FMNL1: variants seen among roughly 807,000 people sequenced by gnomAD.
The protein encoded by FMNL1 is formin like 1.
Under a neutral mutation model 121.3 loss-of-function variants are expected in FMNL1, and 43 were observed. That is an observed-to-expected ratio of 0.35 (90% CI 0.28 to 0.46). The LOEUF (loss-of-function observed/expected upper bound fraction) is 0.46. Ranked by LOEUF, FMNL1 falls within the 20% of genes least tolerant of loss-of-function variation. The probability of loss-of-function intolerance (pLI) is 1.00; values close to 1 mark genes in which losing one functional copy is unlikely to be tolerated. For synonymous variants in FMNL1, 613 were observed against 613.5 expected, an observed-to-expected ratio of 1.00 and a Z score of 0.01; for missense variants, 1,191 against 1,482.4, an observed-to-expected ratio of 0.80 and a Z score of 3.23.
At chr17:45,238,914 A>T in intron 10 of FMNL1, 41 bp from the exon 11 acceptor site, 1 of 1,558,964 alleles carries the variant, frequency 6.4e-7, no homozygotes, top group Non-Finnish European at 8.8e-7. Flanking sequence ...GAGCAACCCC[A>T]CCTAGAGGAT....
intron 1 of FMNL1, among the ~76,000 whole-genome samples, chr17:45,223,921 G>A (rs542975736): frequency 2.2e-4 from 34 of 152,314 alleles, no homozygotes; most frequent in African/African-American, 8.2e-4. Context: ...TGATGTGTGT[G>A]TAGGACTTGT....
In FMNL1 at chr17:45,222,233, G is replaced by A; in HGVS notation, c.109G>A (p.Glu37Lys). The A allele has an allele frequency of 8.0e-7, 1 of 1,243,434 alleles. No homozygotes were observed. The highest frequency in any genetic ancestry group is 1.0e-6 in the Non-Finnish European group (1 of 989,124). 77.0% of individuals were successfully genotyped at this position (1,243,434 alleles called of 1,614,324 possible). Residue 37 changes from glutamate (E) to lysine (K), a missense_variant, in exon 1 of 27, where the codon GAG becomes AAG. Physicochemically the swap from Glu to Lys is moderately conservative, Grantham distance 56. Around this residue, in one of 4 missense-constraint regions of FMNL1, gnomAD observed 253 missense variants for 417.5 expected, o/e 0.61. Coordinates refer to ENST00000331495, the MANE Select transcript of FMNL1 (RefSeq NM_005892.4). ...GATGCCCGCGGCCGGAGAGCTGGAGGAGAGGTTCAACCGCGCCCTGGTGAG... is the reference window on the plus strand; with the variant it reads ...GATGCCCGCGGCCGGAGAGCTGGAGAAGAGGTTCAACCGCGCCCTGGTGAG... The part of the protein sequence containing the change: ...QPMPAAGELE[E>K]RFNRALNCMN...
At chr17:45,240,010 T>A (rs1385382222) in intron 11 of FMNL1, among the ~76,000 whole-genome samples, 1 of 152,210 alleles carries the variant, frequency 6.6e-6, no homozygotes, top group Non-Finnish European at 1.5e-5. Context: ...AGGTTGGTCT[T>A]GAACTCCTGA....
intron 15 of FMNL1, 92 bp downstream of exon 15, chr17:45,242,238 GGCCTCCTGCT>G: frequency 1.3e-6 from 2 of 1,574,040 alleles, no homozygotes; most frequent in East Asian, 2.3e-5. Context: ...TCTGCCTGGG[GGCCTCCTGCT>G]GCCTCCTGGC....
rs2043620183 is a variant in FMNL1 at position 45,239,055 on chromosome 17, T to C, written c.1070T>C (p.Leu357Pro). ...GAGTTCACCCACTTGGGCCTGGACC[T>C]GTACTTGGAGGTAAGCCCTGTACTG... Reference protein sequence around the residue: ...QYEFTHLGLDLYLERLRLTES... With the variant: ...QYEFTHLGLDPYLERLRLTES... Residue 357 changes from leucine to proline, a missense_variant, in exon 11 of 27, where the codon CTG becomes CCG. Physicochemically the swap from Leu to Pro is moderately conservative, Grantham distance 98 (BLOSUM62 -3). Transcript: ENST00000331495. The C allele has an allele frequency of 6.2e-7, 1 of 1,613,860 alleles. No individual in the cohort carries two copies. The highest frequency in any genetic ancestry group is 1.3e-5 in the African/African-American group (1 of 74,932).
Position 45,233,751 on chromosome 17 carries a change from C to T in FMNL1, c.485+20C>T. The T allele has an allele frequency of 6.2e-7, 1 of 1,613,282 alleles. No individual in the cohort carries two copies. Among genetic ancestry groups the T allele is most frequent in the South Asian group, 1.1e-5 (1 of 91,076 alleles). On this transcript the variant is annotated intron_variant, in intron 5 of 26. Coordinates refer to ENST00000331495, the MANE Select transcript of FMNL1 (RefSeq NM_005892.4). The surrounding 1 kb of genome is among the most constrained non-coding windows in gnomAD (Gnocchi z 4.1). Reference sequence around the variant, plus strand: ...TGTCACGTAAGCCCCCTGCTCCCAGCCCTCATGCCGCTCCTCAGAGCTTTG... The same window carrying T: ...TGTCACGTAAGCCCCCTGCTCCCAGTCCTCATGCCGCTCCTCAGAGCTTTG...
In FMNL1 at chr17:45,222,795, G is replaced by T. The variant is rs1369748993; in HGVS notation, c.129+542G>T. 7.9e-5 allele frequency among the ~76,000 whole-genome samples: 12 copies of T among 152,098 alleles called. No homozygotes were observed. The East Asian group carries it at 2.3e-3, about 29-fold the overall frequency. Reference sequence around the variant, plus strand: ...TACCCCGCCATATGTCAGAGCCAGGGTGCCTGTGGGTCTTTATCTTGGGGC... The same window carrying T: ...TACCCCGCCATATGTCAGAGCCAGGTTGCCTGTGGGTCTTTATCTTGGGGC... On this transcript the variant is annotated intron_variant, in intron 1 of 26. Transcript: ENST00000331495.
Position 45,245,253 on chromosome 17 carries a change from T to C in FMNL1, c.2729T>C (p.Val910Ala). 5 of 1,614,150 alleles carry C rather than the reference T, an allele frequency of 3.1e-6. No homozygotes were observed. The highest frequency in any genetic ancestry group is 3.4e-6 in the Non-Finnish European group (4 of 1,180,014). Residue 910 changes from valine to alanine, a missense_variant and splice_region_variant, in exon 22 of 27, where the codon GTG (valine) becomes GCG (alanine). Val to Ala is a moderately conservative substitution (Grantham distance 64, BLOSUM62 0). Coordinates refer to ENST00000331495, the MANE Select transcript of FMNL1 (RefSeq NM_005892.4). ...DLHFLDKAGS[V>A]SLDSVLADVR... Reference sequence around the variant, plus strand: ...TGATACTGCCCCATCCCTGGCCCAGTGTCCCTGGACAGTGTCCTGGCGGAC... The same window carrying C: ...TGATACTGCCCCATCCCTGGCCCAGCGTCCCTGGACAGTGTCCTGGCGGAC...
chr17:45,239,112 A>G, intron 11 of FMNL1, 47 bp downstream of exon 11: 1 of 1,467,950 alleles, frequency 6.8e-7, no homozygotes, highest in East Asian at 2.3e-5. Flanking sequence ...CCCACGGCAG[A>G]GTATGGCTGA....
chr17:45,240,391 G>C, intron 11 of FMNL1, 85 bp from the exon 12 acceptor site: 1 of 1,431,934 alleles, frequency 7.0e-7, no homozygotes, highest in Non-Finnish European at 9.3e-7. Context: ...CCTCTGGATG[G>C]CAGTGGTGGC....
chr17:45,236,149 C>T lies in FMNL1; in HGVS notation c.628C>T (p.His210Tyr), dbSNP rs771426176. Reference sequence around the variant, plus strand: ...CACCCCGCCCAGGCTGACCCCAGCCCACAGCAGGAAGGCCCTGCGGAATTC... The same window carrying T: ...CACCCCGCCCAGGCTGACCCCAGCCTACAGCAGGAAGGCCCTGCGGAATTC... ...RHLTIKLTPA[H>Y]SRKALRNSRI... The change falls in exon 7 of 27, where the codon CAC becomes TAC. Residue 210 changes from histidine (H) to tyrosine (Y), a missense_variant. Physicochemically the swap from His to Tyr is moderately conservative, Grantham distance 83. Transcript: ENST00000331495. The T allele has an allele frequency of 1.2e-6, 2 of 1,612,570 alleles. No homozygotes were observed. Among genetic ancestry groups the T allele is most frequent in the Non-Finnish European group, 1.7e-6 (2 of 1,179,966 alleles).
chr17:45,221,939 C>T lies in FMNL1; in HGVS notation c.-186C>T. 2.7e-6 allele frequency: 1 copy of T among 368,070 alleles called. No homozygotes were observed. The allele number at this position is 368,070 out of a possible 1,614,324, so 22.8% of individuals were successfully genotyped here. On this transcript the variant is annotated 5_prime_UTR_variant, in exon 1 of 27. Coordinates refer to ENST00000331495, the MANE Select transcript of FMNL1 (RefSeq NM_005892.4). Reference sequence around the variant, plus strand: ...GCCCGGTCCCACGGACGGGGCCGCCCCGATGGGACGCCGCGCTCCGGCCCC... The same window carrying T: ...GCCCGGTCCCACGGACGGGGCCGCCTCGATGGGACGCCGCGCTCCGGCCCC...
chr17:45,225,452 G>A (rs770105908), intron 1 of FMNL1, among the ~76,000 whole-genome samples: 1 of 152,186 alleles, frequency 6.6e-6, no homozygotes, highest in Non-Finnish European at 1.5e-5. Flanking sequence ...GAGGATCTCC[G>A]GGGGGATGTG....
chr17:45,238,479 C>A, intron 9 of FMNL1, 85 bp from the exon 10 acceptor site: 2 of 1,382,758 alleles, frequency 1.4e-6, no homozygotes, highest in South Asian at 1.2e-5. Flanking sequence ...TGGAGAGGAG[C>A]CTGTTGAAGC....
At chr17:45,224,386 G>A (rs1363704235) in intron 1 of FMNL1, among the ~76,000 whole-genome samples, 1 of 152,128 alleles carries the variant, frequency 6.6e-6, no homozygotes, top group Admixed American at 6.5e-5. Context: ...ACCCCCACCC[G>A]AACCACCATG....
Position 45,221,897 on chromosome 17 carries a change from C to A in FMNL1, c.-228C>A, listed in dbSNP as rs2043232819. 6.0e-6 allele frequency: 2 copies of A among 333,896 alleles called. No individual in the cohort carries two copies. The highest frequency in any genetic ancestry group is 1.4e-4 in the South Asian group (1 of 7,350). The allele number at this position is 333,896 out of a possible 1,614,324, so 20.7% of individuals were successfully genotyped here. On this transcript the variant is annotated 5_prime_UTR_variant, in exon 1 of 27. Transcript: ENST00000331495. ...CGGCCTGCAGCCTGACTTCCTCCCC[C>A]AACCCTGCAGCTCGCCGCCCGGTCC...
intron 11 of FMNL1, chr17:45,240,262 T>C (rs1017029603): frequency 5.3e-6 from 2 of 380,070 alleles, no homozygotes; most frequent in Admixed American, 4.5e-5. Flanking sequence ...ATGGTGATGG[T>C]TGCACAACCT....
chr17:45,240,883 G>A (rs2043673772), intron 12 of FMNL1: 1 of 705,124 alleles, frequency 1.4e-6, no homozygotes, highest in Non-Finnish European at 2.3e-6. Context: ...AACTGAAATG[G>A]GTGCCTGGGG....
intron 24 of FMNL1, 42 bp downstream of exon 24, chr17:45,246,015 G>A: frequency 1.3e-6 from 2 of 1,520,192 alleles, no homozygotes; most frequent in South Asian, 2.6e-5. Flanking sequence ...CTGCAGGGAT[G>A]CATGGCATCT....
Sources: allele counts gnomAD v4.1 joint callset (sites outside exome capture counted in the v4.1 genomes callset), GRCh38; gene constraint gnomAD v4.1.1; regional missense constraint gnomAD v4.1.1; non-coding constraint Gnocchi (gnomAD v3.1); transcripts MANE v1.5; gene names NCBI Gene and HGNC (gene_info 2026-07-23, HGNC 2026-07-21).